The following NPAS3 variants were observed in gnomAD, a reference collection of about 807,000 sequenced individuals.
NPAS3 encodes neuronal PAS domain-containing protein 3.
NPAS3 carries 14 observed loss-of-function variants against 73.1 expected under a neutral mutation model. The observed-to-expected ratio is 0.19, with a 90% confidence interval of 0.13 to 0.30. The LOEUF is 0.30. Ranked by LOEUF, NPAS3 falls within the 10% of genes least tolerant of loss-of-function variation. The probability of loss-of-function intolerance (pLI) is 1.00; values close to 1 mark genes in which losing one functional copy is unlikely to be tolerated. For synonymous variants in NPAS3, 620 were observed against 541.5 expected, an observed-to-expected ratio of 1.14 and a Z score of -2.01; for missense variants, 1,096 against 1,250.0, an observed-to-expected ratio of 0.88 and a Z score of 1.86.
chr14:33,759,159 T>G (rs1353710009), intron 7 of NPAS3, among the ~76,000 whole-genome samples: 2 of 152,226 alleles, frequency 1.3e-5, no homozygotes, highest in Non-Finnish European at 2.9e-5. Context: ...TAATTTCTTA[T>G]AAATAAATTA....
At chr14:33,143,647 G>T (rs954527311) in intron 2 of NPAS3, among the ~76,000 whole-genome samples, 2 of 152,144 alleles carry the variant, frequency 1.3e-5, no homozygotes, top group African/African-American at 4.8e-5. Context: ...TGTACAAATA[G>T]CACCTCTATC....
intron 1 of NPAS3, among the ~76,000 whole-genome samples, chr14:32,955,674 T>G (rs1208364510): frequency 6.6e-6 from 1 of 152,120 alleles, no homozygotes; most frequent in Non-Finnish European, 1.5e-5. Flanking sequence ...GCACCCCCAG[T>G]GCTGAAACAC....
At chr14:33,038,905 G>A (rs1361017314) in intron 1 of NPAS3, among the ~76,000 whole-genome samples, 1 of 152,174 alleles carries the variant, frequency 6.6e-6, no homozygotes, top group African/African-American at 2.4e-5. Context: ...TCTTAGGACA[G>A]CTTGAACCAG....
At chr14:33,503,963 C>CA (rs2052639585) in intron 4 of NPAS3, among the ~76,000 whole-genome samples, 1 of 151,932 alleles carries the variant, frequency 6.6e-6, no homozygotes, top group Admixed American at 6.6e-5. Context: ...GTCCTATGTA[C>CA]AACAACCTTA....
chr14:33,488,881 G>A (rs1311657398), intron 4 of NPAS3, among the ~76,000 whole-genome samples: 1 of 152,158 alleles, frequency 6.6e-6, no homozygotes, highest in Non-Finnish European at 1.5e-5. Context: ...GTATGAAAGT[G>A]TAAAACACCA....
chr14:33,731,719 A>G (rs1032129587), intron 6 of NPAS3, among the ~76,000 whole-genome samples: 3 of 152,232 alleles, frequency 2.0e-5, no homozygotes, highest in Non-Finnish European at 4.4e-5. Flanking sequence ...GCATTTGCCA[A>G]CATAAAAATT....
intron 1 of NPAS3, among the ~76,000 whole-genome samples, chr14:33,017,700 G>A (rs2039444743): frequency 1.3e-5 from 2 of 152,126 alleles, no homozygotes; most frequent in Admixed American, 1.3e-4. Context: ...GCAAATTACT[G>A]AACATCTCTG....
intron 3 of NPAS3, among the ~76,000 whole-genome samples, chr14:33,260,584 C>G (rs1207232745): frequency 6.6e-6 from 1 of 152,140 alleles, no homozygotes; most frequent in African/African-American, 2.4e-5. Flanking sequence ...GAATCATCAG[C>G]AGCAGATCAT....
At position 33,504,049 on chromosome 14, in the gene NPAS3, C is replaced by T. The variant is rs567898962; in HGVS notation, c.469-56072C>T. 8.5e-5 allele frequency among the ~76,000 whole-genome samples: 13 copies of T among 152,086 alleles called. No homozygotes were observed. In the East Asian group the frequency reaches 2.5e-3, roughly 30 times the overall value. Reference sequence around the variant, plus strand: ...ATCAGTGCAAAACTACAATTACTGACACCCACCGCACATAGGGTGTTGGCC... The same window carrying T: ...ATCAGTGCAAAACTACAATTACTGATACCCACCGCACATAGGGTGTTGGCC... On this transcript the variant is annotated intron_variant, in intron 4 of 11. Coordinates refer to ENST00000356141, the Ensembl canonical transcript of NPAS3.
intron 5 of NPAS3, among the ~76,000 whole-genome samples, chr14:33,595,052 G>A (rs2057194336): frequency 6.6e-6 from 1 of 152,188 alleles, no homozygotes; most frequent in Admixed American, 6.5e-5. Context: ...GTTATGCCAT[G>A]CAACTGATTA....
At chr14:33,724,277 T>G (rs1372516919) in intron 6 of NPAS3, among the ~76,000 whole-genome samples, 1 of 152,150 alleles carries the variant, frequency 6.6e-6, no homozygotes. Flanking sequence ...AATATGTGAT[T>G]CATTTAAAAA....
At chr14:33,426,103 T>A (rs921273235) in intron 4 of NPAS3, among the ~76,000 whole-genome samples, 1 of 152,078 alleles carries the variant, frequency 6.6e-6, no homozygotes, top group African/African-American at 2.4e-5. Flanking sequence ...CACCACTGAC[T>A]GTATTTCAAC....
chr14:33,325,634 C>T (rs1332492499), intron 3 of NPAS3, among the ~76,000 whole-genome samples: 3 of 140,326 alleles, frequency 2.1e-5, no homozygotes, highest in Non-Finnish European at 4.6e-5. Flanking sequence ...GGTGAGACTC[C>T]GTCTCAAAAA....
At chr14:33,301,291 A>G (rs898449010) in intron 3 of NPAS3, among the ~76,000 whole-genome samples, 1 of 102,466 alleles carries the variant, frequency 9.8e-6, no homozygotes, top group Admixed American at 1.0e-4. Flanking sequence ...TCTAAACCCC[A>G]CCTAGGTTTT....
chr14:33,569,695 C>A (rs2056122012), intron 5 of NPAS3, among the ~76,000 whole-genome samples: 1 of 152,110 alleles, frequency 6.6e-6, no homozygotes, highest in Non-Finnish European at 1.5e-5. Context: ...GTTTCCTGAA[C>A]CTCTGAGTTT....
At position 33,747,686 on chromosome 14, in the gene NPAS3, A is replaced by G. The variant is rs533015393; in HGVS notation, c.852+12354A>G. On this transcript the variant is annotated intron_variant, in intron 7 of 11. Transcript: ENST00000356141. Reference sequence around the variant, plus strand: ...GAGCAATGGATATCTCTAAGTGGCCATGTTGGAAACATCACCTTTGGCTCA... The same window carrying G: ...GAGCAATGGATATCTCTAAGTGGCCGTGTTGGAAACATCACCTTTGGCTCA... Among the ~76,000 whole-genome samples the G allele has an allele frequency of 3.5e-4, 54 of 152,362 alleles. 1 individual carries two copies. Among genetic ancestry groups the G allele is most frequent in the Middle Eastern group, 3.4e-3 (1 of 294 alleles).
At chr14:33,668,570 C>A (rs1595397050) in intron 5 of NPAS3, among the ~76,000 whole-genome samples, 1 of 152,282 alleles carries the variant, frequency 6.6e-6, no homozygotes, top group East Asian at 1.9e-4. Flanking sequence ...AATCCCAGCA[C>A]TTTGGGACGT....
chr14:33,474,458 A>C (rs1047803270), intron 4 of NPAS3, among the ~76,000 whole-genome samples: 1 of 152,204 alleles, frequency 6.6e-6, no homozygotes, highest in African/African-American at 2.4e-5. Context: ...AAAAATGAAG[A>C]GAATATACAG....
At chr14:33,803,683 A>C (rs1416874813), downstream of NPAS3, 2 of 147,128 alleles carry the variant, frequency 1.4e-5, no homozygotes, top group Admixed American at 1.4e-4. Flanking sequence ...CTGCTGTCTA[A>C]ATTCATAGTG....
Sources: gnomAD v4.1 joint callset for allele counts (sites outside exome capture counted in the v4.1 genomes callset) on GRCh38, gnomAD v4.1.1 for gene constraint, MANE v1.5 for transcripts, NCBI Gene and HGNC (gene_info 2026-07-23, HGNC 2026-07-21) for gene names.